The following CLCN3 variants were observed in gnomAD, a reference collection of about 807,000 sequenced individuals.
CLCN3 encodes the protein H(+)/Cl(-) exchange transporter 3.
CLCN3 carries 16 observed loss-of-function variants against 83.4 expected under a neutral mutation model. That is an observed-to-expected ratio of 0.19 (90% CI 0.13 to 0.29). The LOEUF is 0.29. Ranked by LOEUF, CLCN3 falls within the 10% of genes least tolerant of loss-of-function variation. The pLI, the probability that CLCN3 is intolerant of heterozygous loss-of-function variation, is 1.00. For synonymous variants in CLCN3, 322 were observed against 346.2 expected, an observed-to-expected ratio of 0.93 and a Z score of 0.78; for missense variants, 544 against 1,006.0, an observed-to-expected ratio of 0.54 and a Z score of 6.21.
intron 2 of CLCN3, among the ~76,000 whole-genome samples, chr4:169,677,466 T>C (rs1435945650): frequency 6.6e-6 from 1 of 152,230 alleles, no homozygotes; most frequent in Non-Finnish European, 1.5e-5. Flanking sequence ...CCTAAAATAT[T>C]TACTCTCTGG....
At chr4:169,701,123 C>A (rs1470532922) in intron 9 of CLCN3, among the ~76,000 whole-genome samples, 1 of 152,220 alleles carries the variant, frequency 6.6e-6, no homozygotes, top group African/African-American at 2.4e-5. Flanking sequence ...CTCTCAAACC[C>A]TGCTACTGCT....
At chr4:169,704,328 A>G (rs968241903) in intron 10 of CLCN3, 144 bp downstream of exon 10, 3 of 661,342 alleles carry the variant, frequency 4.5e-6, no homozygotes, top group South Asian at 3.8e-5. Context: ...CAGATAAGAA[A>G]CAGTAGTACT....
At position 169,703,343 on chromosome 4, in the gene CLCN3, A is replaced by G. The variant is rs548487661; in HGVS notation, c.1564-655A>G. Reference sequence around the variant, plus strand: ...CAAGATATGTCTGTATATCAGTCAAAATATTGGGCAACTCTGATAAGTTTG... The same window carrying G: ...CAAGATATGTCTGTATATCAGTCAAGATATTGGGCAACTCTGATAAGTTTG... On this transcript the variant is annotated intron_variant, in intron 9 of 12. Transcript: ENST00000513761. 2.0e-5 allele frequency among the ~76,000 whole-genome samples: 3 copies of G among 152,332 alleles called. No individual in the cohort carries two copies. In the South Asian group the frequency reaches 6.2e-4, roughly 32 times the overall value.
chr4:169,703,066 G>T (rs1432886360), intron 9 of CLCN3, among the ~76,000 whole-genome samples: 1 of 152,170 alleles, frequency 6.6e-6, no homozygotes, highest in African/African-American at 2.4e-5. Flanking sequence ...TATGGGCATG[G>T]TTCATGGTGC....
At chr4:169,682,362 A>G (rs1326042792) in intron 3 of CLCN3, among the ~76,000 whole-genome samples, 1 of 152,190 alleles carries the variant, frequency 6.6e-6, no homozygotes, top group Non-Finnish European at 1.5e-5. Context: ...GGAGAGCTCA[A>G]ATTCTATCAT....
At position 169,697,624 on chromosome 4, in the gene CLCN3, G is replaced by C; in HGVS notation, c.1453G>C (p.Asp485His). The C allele has an allele frequency of 6.2e-7, 1 of 1,614,056 alleles. No individual in the cohort carries two copies. Among genetic ancestry groups the C allele is most frequent in the Non-Finnish European group, 8.5e-7 (1 of 1,179,934 alleles). ...TGACATGAATGCCAGTAAAATTGTC[G>C]ATGACATTCCTGATCGTCCAGCAGG... ...RNDMNASKIV[D>H]DIPDRPAGIG... The change falls in exon 9 of 13, where the codon GAT becomes CAT. Residue 485 changes from aspartate (D) to histidine (H), a missense_variant. Asp to His is a moderately conservative substitution (Grantham distance 81). This residue lies in a region of CLCN3 where 194 missense variants were observed against 341.4 expected (regional missense o/e 0.57). Transcript: ENST00000513761.
intron 2 of CLCN3, among the ~76,000 whole-genome samples, chr4:169,669,081 C>G (rs1731362247): frequency 6.6e-6 from 1 of 151,948 alleles, no homozygotes; most frequent in African/African-American, 2.4e-5. Flanking sequence ...ACCAAGTGGG[C>G]AAAACAATCA....
intron 4 of CLCN3, 79 bp from the exon 5 acceptor site, chr4:169,688,964 A>G (rs369772845): frequency 8.2e-7 from 1 of 1,212,298 alleles, no homozygotes; most frequent in Non-Finnish European, 1.2e-6. Context: ...CCTGCTTTCT[A>G]CTTGCCTTTT....
intron 2 of CLCN3, among the ~76,000 whole-genome samples, chr4:169,645,161 G>A (rs541136077): frequency 6.6e-6 from 1 of 152,316 alleles, no homozygotes; most frequent in South Asian, 2.1e-4. Flanking sequence ...GTGGACCCCT[G>A]AGAAAGATTT....
Position 169,713,156 on chromosome 4 carries a change from G to A in CLCN3, c.2227G>A (p.Ala743Thr). 6.2e-7 allele frequency: 1 copy of A among 1,614,190 alleles called. No homozygotes were observed. Among genetic ancestry groups the A allele is most frequent in the Non-Finnish European group, 8.5e-7 (1 of 1,180,028 alleles). ...CFAQHTPSLP[A>T]ESPRPLKLRS... ...TGCACAGCACACCCCATCTCTTCCA[G>A]CAGAAAGTCCTCGGCCATTGAAGCT... The change falls in exon 12 of 13, where the codon GCA becomes ACA. Residue 743 changes from alanine to threonine, a missense_variant. Transcript: ENST00000513761.
At chr4:169,662,978 G>A (rs1383309227) in intron 2 of CLCN3, 1 of 151,974 alleles carries the variant, frequency 6.6e-6, no homozygotes, top group African/African-American at 2.4e-5. Context: ...TGTTCAAGAT[G>A]TTTAAGTAGT....
intron 1 of CLCN3, 42 bp from the exon 2 acceptor site, chr4:169,635,871 G>C: frequency 7.0e-7 from 1 of 1,436,948 alleles, no homozygotes; most frequent in Non-Finnish European, 9.3e-7. Flanking sequence ...GATTTTTATT[G>C]TATGTTTGAA....
At chr4:169,683,517 C>G (rs1732027320) in intron 3 of CLCN3, among the ~76,000 whole-genome samples, 1 of 152,116 alleles carries the variant, frequency 6.6e-6, no homozygotes, top group African/African-American at 2.4e-5. Flanking sequence ...ACAAAAAACA[C>G]TTTTTTCTCT....
intron 1 of CLCN3, among the ~76,000 whole-genome samples, chr4:169,625,383 CT>C (rs1176316208): frequency 1.3e-5 from 2 of 152,142 alleles, no homozygotes; most frequent in African/African-American, 4.8e-5. Flanking sequence ...AGAGACAAAA[CT>C]TTGTTGGGAA....
At chr4:169,626,322 A>G (rs1469290749) in intron 1 of CLCN3, among the ~76,000 whole-genome samples, 2 of 152,236 alleles carry the variant, frequency 1.3e-5, no homozygotes, top group Non-Finnish European at 2.9e-5. Context: ...ATGTTCAGCT[A>G]TCCAGAAGCT....
intron 7 of CLCN3, among the ~76,000 whole-genome samples, chr4:169,694,111 G>C (rs1732477612): frequency 6.6e-6 from 1 of 151,816 alleles, no homozygotes. Flanking sequence ...AAAAAAAAAA[G>C]AAGCTAAATT....
chr4:169,673,754 A>G (rs1390138249), intron 2 of CLCN3, among the ~76,000 whole-genome samples: 2 of 152,238 alleles, frequency 1.3e-5, no homozygotes, highest in African/African-American at 2.4e-5. Context: ...TGTCACCCCA[A>G]TTCCTGAAAT....
chr4:169,671,994 G>A (rs112440231), intron 2 of CLCN3, among the ~76,000 whole-genome samples: 17,537 of 151,930 alleles, frequency 0.12, 1,119 homozygotes, highest in East Asian at 0.17. Context: ...GGCAGATCAC[G>A]AGGTCAGGAG....
intron 2 of CLCN3, among the ~76,000 whole-genome samples, chr4:169,679,843 C>T (rs1015477495): frequency 6.6e-6 from 1 of 152,108 alleles, no homozygotes; most frequent in Non-Finnish European, 1.5e-5. Context: ...CGCGGCAGTA[C>T]AGTCCAGCCT....
Sources: gnomAD v4.1 joint callset for allele counts (sites outside exome capture counted in the v4.1 genomes callset) on GRCh38, gnomAD v4.1.1 for gene constraint, gnomAD v4.1.1 regional missense constraint, MANE v1.5 for transcripts, NCBI Gene and HGNC (gene_info 2026-07-23, HGNC 2026-07-21) for gene names.